Variants in CCDC7 observed in about 807,000 individuals in gnomAD.
CCDC7 encodes the protein coiled-coil domain-containing protein 7.
In CCDC7, 183 loss-of-function variants were observed where a neutral mutation model predicts 196.9. The observed-to-expected ratio is 0.93, with a 90% CI of 0.82 to 1.05. CCDC7 has a LOEUF of 1.05. CCDC7 is among the 50% of genes least tolerant of loss of function. The pLI is 0.00. For synonymous variants in CCDC7, 525 were observed against 484.6 expected, an observed-to-expected ratio of 1.08 and a Z score of -1.10; for missense variants, 1,540 against 1,482.2, an observed-to-expected ratio of 1.04 and a Z score of -0.64.
intron 5 of CCDC7, 132 bp downstream of exon 6, chr10:32,463,181 T>A (rs2036092977): frequency 1.7e-6 from 2 of 1,175,280 alleles, no homozygotes; most frequent in Non-Finnish European, 2.4e-6. Context: ...ACCTTTTGGT[T>A]TGGGTAGACA....
chr10:32,772,724 C>G (rs1023532413), intron 28 of CCDC7, among the ~76,000 whole-genome samples: 1 of 152,180 alleles, frequency 6.6e-6, no homozygotes, highest in Non-Finnish European at 1.5e-5. Context: ...GCTGCTCCTA[C>G]TTTTATATTC....
chr10:32,496,308 T>C (rs566095889), intron 9 of CCDC7, among the ~76,000 whole-genome samples: 1 of 152,226 alleles, frequency 6.6e-6, no homozygotes, highest in African/African-American at 2.4e-5. Flanking sequence ...GTTTTCTAAA[T>C]AAACAATCAT....
At chr10:32,537,010 T>C (rs1425129500) in intron 11 of CCDC7, among the ~76,000 whole-genome samples, 3 of 152,202 alleles carry the variant, frequency 2.0e-5, no homozygotes, top group Non-Finnish European at 4.4e-5. Flanking sequence ...CCTTTGGGTA[T>C]ATACCCAACA....
Position 32,571,510 on chromosome 10 carries a change from TCTGCCTGTGGAG to T in CCDC7, c.1420-347_1420-336del, listed in dbSNP as rs566812869. ...AAGTTTAAAATAAATTTTGAGCTAC[TCTGCCTGTGGAG>T]CAGGCCTGCTCTGTCTATGGATCAG... is the stretch of plus-strand genomic sequence containing the variant. On this transcript the variant is annotated intron_variant, in intron 15 of 41. Coordinates refer to ENST00000639629, the Ensembl canonical transcript of CCDC7. Among the ~76,000 whole-genome samples, 42 of 152,304 alleles carry T rather than the reference TCTGCCTGTGGAG, an allele frequency of 2.8e-4. 1 individual carries two copies. The South Asian group carries it at 8.7e-3, about 32-fold the overall frequency.
chr10:32,689,181 A>G lies in CCDC7; in HGVS notation c.2344+18A>G, dbSNP rs1489349821. On this transcript the variant is annotated intron_variant, in intron 23 of 41. Transcript: ENST00000639629. The stretch of plus-strand genomic sequence containing the variant: ...AATTATTAGTAAGTATAAAAAGTAA[A>G]GATAACTTTAAATTATTTAAAAGTA... 4.2e-6 allele frequency: 6 copies of G among 1,425,514 alleles called. 1 individual carries two copies. The Middle Eastern group carries it at 1.0e-3, about 237-fold the overall frequency. 88.3% of individuals were successfully genotyped at this position (1,425,514 alleles called of 1,614,324 possible). A position where few individuals can be genotyped will look rare whatever the true frequency, so the allele number is the denominator to read the frequency against.
At chr10:32,455,309 ATTTT>A (rs1312323475) in intron 2 of CCDC7, among the ~76,000 whole-genome samples, 24 of 131,040 alleles carry the variant, frequency 1.8e-4, no homozygotes, top group South Asian at 7.3e-4. Flanking sequence ...TTATTTATTT[ATTTT>A]ATTTTATTTT....
rs1314995162 is a variant in CCDC7 at position 32,695,109 on chromosome 10, C to T, written c.2458+117C>T. On this transcript the variant is annotated intron_variant, in intron 24 of 41. Transcript: ENST00000639629. ...TAGTTTATGGAAATTTTATACTTTA[C>T]AGTGTGAATACCTTAAAATAACTAG... 10 of 463,966 alleles carry T rather than the reference C, an allele frequency of 2.2e-5. No homozygotes were observed. In the East Asian group the frequency reaches 3.1e-4, roughly 14 times the overall value. 28.7% of individuals were successfully genotyped at this position (463,966 alleles called of 1,614,324 possible).
intron 18 of CCDC7, among the ~76,000 whole-genome samples, chr10:32,598,595 G>C (rs1386908227): frequency 6.6e-6 from 1 of 152,178 alleles, no homozygotes; most frequent in African/African-American, 2.4e-5. Context: ...GCAGACTGGA[G>C]CTGTTCCTAT....
chr10:32,601,480 G>A (rs915507623), intron 18 of CCDC7, among the ~76,000 whole-genome samples: 17 of 152,180 alleles, frequency 1.1e-4, no homozygotes, highest in African/African-American at 4.8e-5. Context: ...TGTGTTTTAC[G>A]TTTTTGTGGG....
chr10:32,729,126 T>TA, intron 27 of CCDC7, 129 bp downstream of exon 28: 1 of 815,666 alleles, frequency 1.2e-6, no homozygotes. Context: ...AAAGTGTGAA[T>TA]ACCCTATGAT....
chr10:32,834,820 G>T, exon 33 of CCDC7: 3 of 1,401,096 alleles, frequency 2.1e-6, no homozygotes, highest in Non-Finnish European at 3.0e-6. Context: ...TATAGAGACT[G>T]TCTTAAAACA....
chr10:32,589,799 T>C (rs1229100852), intron 18 of CCDC7, among the ~76,000 whole-genome samples: 2 of 152,186 alleles, frequency 1.3e-5, no homozygotes, highest in African/African-American at 4.8e-5. Context: ...TATCATTACA[T>C]AATGCTCCTC....
In CCDC7 at chr10:32,661,194, T is replaced by G. The variant is rs561359480; in HGVS notation, c.2015-2860T>G. Among the ~76,000 whole-genome samples the G allele has an allele frequency of 1.3e-4, 20 of 150,964 alleles. No individual in the cohort carries two copies. The South Asian group carries it at 4.0e-3, about 30-fold the overall frequency. ...ACAGACACTTCTCAAAAGAAGACAT[T>G]TATGCAGCCAAAAAACACATGAAAA... On this transcript the variant is annotated intron_variant, in intron 20 of 41. Coordinates refer to ENST00000639629, the Ensembl canonical transcript of CCDC7.
At chr10:32,477,214 AT>A (rs34848583) in intron 8 of CCDC7, among the ~76,000 whole-genome samples, 13,414 of 147,484 alleles carry the variant, frequency 0.091, 832 homozygotes, top group East Asian at 0.33. Flanking sequence ...TTTTGAGTTA[AT>A]TTTTTTTTTT....
intron 9 of CCDC7, among the ~76,000 whole-genome samples, chr10:32,497,568 T>G (rs1459055922): frequency 2.0e-5 from 3 of 152,210 alleles, no homozygotes; most frequent in Admixed American, 1.3e-4. Flanking sequence ...TTTAAATGTG[T>G]CCCAAAGATT....
At chr10:32,828,485 G>GGAAGAGGAAGAAGAAGAAAAGAAGAAGAA (rs2091618916) in intron 32 of CCDC7, among the ~76,000 whole-genome samples, 1 of 49,676 alleles carries the variant, frequency 2.0e-5, no homozygotes, top group African/African-American at 6.3e-5. Flanking sequence ...AAGAGGAAGA[G>GGAAGAGGAAGAAGAAGAAAAGAAGAAGAA]GAAGAAGAAG....
intron 18 of CCDC7, among the ~76,000 whole-genome samples, chr10:32,632,182 T>A (rs1458672792): frequency 6.6e-6 from 1 of 151,282 alleles, no homozygotes; most frequent in Non-Finnish European, 1.5e-5. Flanking sequence ...AACTCCATTG[T>A]AGTGTTAAAC....
At chr10:32,668,539 G>A (rs2073336387) in intron 21 of CCDC7, among the ~76,000 whole-genome samples, 1 of 152,096 alleles carries the variant, frequency 6.6e-6, no homozygotes, top group African/African-American at 2.4e-5. Context: ...TTTGAGATAT[G>A]TCCCATCAAT....
chr10:32,711,685 G>A (rs370453562), exon 25 of CCDC7: 8 of 1,595,194 alleles, frequency 5.0e-6, no homozygotes, highest in African/African-American at 1.4e-5. Context: ...AAAAATCCAA[G>A]TGCAATTAGA....
Sources: gnomAD v4.1 joint callset for allele counts (sites outside exome capture counted in the v4.1 genomes callset) on GRCh38, gnomAD v4.1.1 for gene constraint, MANE v1.5 for transcripts, NCBI Gene and HGNC (gene_info 2026-07-23, HGNC 2026-07-21) for gene names.